Variants in MME observed in about 807,000 individuals in gnomAD.
MME encodes the protein membrane metalloendopeptidase, also known as neprilysin.
MME carries 98 observed loss-of-function variants against 113.2 expected under a neutral mutation model. That is an observed-to-expected ratio of 0.87 (90% confidence interval 0.74 to 1.02). MME has a LOEUF of 1.02. Among genes scored for constraint, MME ranks in the 50% least tolerant of loss-of-function variants. The pLI, the probability that MME is intolerant of heterozygous loss-of-function variation, is 0.00. For missense variants in MME, 836 were observed against 896.0 expected, an observed-to-expected ratio of 0.93 and a Z score of 0.86; for synonymous variants, 292 against 300.6, an observed-to-expected ratio of 0.97 and a Z score of 0.30.
At chr3:155,124,498 C>T (rs1425931686) in intron 8 of MME, among the ~76,000 whole-genome samples, 7 of 152,176 alleles carry the variant, frequency 4.6e-5, no homozygotes, top group South Asian at 2.1e-4. Flanking sequence ...AGACGCTCTG[C>T]GTTTTAGAGT....
intron 3 of MME, chr3:155,089,886 G>T (rs1251994089): frequency 2.2e-6 from 1 of 451,242 alleles, no homozygotes; most frequent in East Asian, 7.0e-5. Flanking sequence ...CTTGAACCCA[G>T]GAGGCAGAGG....
At chr3:155,032,847 A>G (rs963871691) in intron 1 of MME, among the ~76,000 whole-genome samples, 2 of 152,242 alleles carry the variant, frequency 1.3e-5, no homozygotes, top group African/African-American at 4.8e-5. Flanking sequence ...GTTTTGAAGC[A>G]CAGAAGTTTG....
intron 8 of MME, among the ~76,000 whole-genome samples, chr3:155,134,351 C>T (rs1005432430): frequency 4.6e-5 from 7 of 151,922 alleles, no homozygotes; most frequent in Non-Finnish European, 1.0e-4. Context: ...CCTTAAATGC[C>T]CAACATTTAG....
chr3:155,042,750 G>A (rs991467819), intron 1 of MME, among the ~76,000 whole-genome samples: 1 of 151,100 alleles, frequency 6.6e-6, no homozygotes, highest in Non-Finnish European at 1.5e-5. Context: ...ATTTAATTAT[G>A]AATGAAAGTA....
intron 16 of MME, among the ~76,000 whole-genome samples, chr3:155,152,723 G>A (rs2108334344): frequency 6.6e-6 from 1 of 152,018 alleles, no homozygotes; most frequent in Admixed American, 6.6e-5. Flanking sequence ...CAGCTGTAAT[G>A]CCAGCTACTC....
intron 3 of MME, among the ~76,000 whole-genome samples, chr3:155,095,339 A>G (rs150893131): frequency 3.4e-4 from 52 of 152,254 alleles, no homozygotes; most frequent in African/African-American, 1.2e-3. Context: ...GAAGACTTTA[A>G]GTTAGAGAGG....
intron 1 of MME, among the ~76,000 whole-genome samples, chr3:155,053,481 A>G (rs915811385): frequency 2.6e-5 from 4 of 152,174 alleles, no homozygotes; most frequent in Admixed American, 2.6e-4. Context: ...TAAAACCATC[A>G]GATCTCTTGA....
intron 14 of MME, 83 bp from the exon 15 acceptor site, chr3:155,147,061 C>A: frequency 1.2e-6 from 1 of 864,966 alleles, no homozygotes; most frequent in South Asian, 1.4e-5. Flanking sequence ...TCAAGTTATT[C>A]AATTGCTAGT....
At chr3:155,096,628 G>A (rs1716767429) in intron 3 of MME, among the ~76,000 whole-genome samples, 1 of 152,160 alleles carries the variant, frequency 6.6e-6, no homozygotes, top group South Asian at 2.1e-4. Flanking sequence ...ATGGCTGTGG[G>A]CAGGAAATTG....
chr3:155,128,779 A>G (rs1238421236), intron 8 of MME, among the ~76,000 whole-genome samples: 3 of 152,156 alleles, frequency 2.0e-5, no homozygotes, highest in African/African-American at 7.2e-5. Flanking sequence ...TGGCCCTTAA[A>G]TACTACAGAA....
At chr3:155,161,397 C>T (rs1722713522) in intron 17 of MME, among the ~76,000 whole-genome samples, 1 of 151,978 alleles carries the variant, frequency 6.6e-6, no homozygotes, top group Admixed American at 6.6e-5. Flanking sequence ...TATTCTAAAC[C>T]ATTCTTCTTA....
At chr3:155,151,669 T>C (rs1246747078) in intron 16 of MME, among the ~76,000 whole-genome samples, 1 of 152,180 alleles carries the variant, frequency 6.6e-6, no homozygotes, top group East Asian at 1.9e-4. Context: ...ATTTTACTGC[T>C]ACCAAGACAG....
intron 3 of MME, among the ~76,000 whole-genome samples, chr3:155,100,001 C>T (rs1717066785): frequency 6.6e-6 from 1 of 152,152 alleles, no homozygotes; most frequent in Non-Finnish European, 1.5e-5. Flanking sequence ...GCAAGGACTT[C>T]ATGTCTAAAA....
chr3:155,148,002 C>T (rs1034223523), intron 15 of MME, among the ~76,000 whole-genome samples: 7 of 152,126 alleles, frequency 4.6e-5, no homozygotes, highest in Non-Finnish European at 8.8e-5. Context: ...ATAGTGGCTA[C>T]GAACACAGAC....
chr3:155,173,036 TA>T (rs1712156925), intron 22 of MME, among the ~76,000 whole-genome samples: 1 of 152,102 alleles, frequency 6.6e-6, no homozygotes, highest in Non-Finnish European at 1.5e-5. Flanking sequence ...CAATATGGAA[TA>T]ACATTATTCC....
chr3:155,061,437 C>T (rs1431636012), intron 1 of MME, among the ~76,000 whole-genome samples: 32 of 126,950 alleles, frequency 2.5e-4, no homozygotes, highest in African/African-American at 9.5e-4. Flanking sequence ...GGCGACAGAG[C>T]GAGGCTCCAT....
At chr3:155,037,266 A>T (rs1415458273) in intron 1 of MME, among the ~76,000 whole-genome samples, 1 of 152,194 alleles carries the variant, frequency 6.6e-6, no homozygotes, top group African/African-American at 2.4e-5. Context: ...CTTTATTGTA[A>T]ATACTGGAAG....
chr3:155,176,802 AG>A (rs1712574256), intron 22 of MME, among the ~76,000 whole-genome samples: 1 of 152,154 alleles, frequency 6.6e-6, no homozygotes, highest in Admixed American at 6.6e-5. Context: ...CTCCAACCTG[AG>A]TGACAGAGCG....
In MME at chr3:155,084,224, G is replaced by C. The variant is rs866991983; in HGVS notation, c.57G>C (p.Lys19Asn). ...DITDINTPKPKKKQRWTPLEI... is the reference protein window; with the variant it reads ...DITDINTPKPNKKQRWTPLEI... ...CTGATATCAACACTCCAAAGCCAAA[G>C]AAGAAACAGCGATGGACTCCACTGG... The change falls in exon 2 of 23, where the codon AAG (lysine) becomes AAC (asparagine). Residue 19 changes from lysine to asparagine, a missense_variant. Transcript: ENST00000360490. 1.2e-6 allele frequency: 2 copies of C among 1,613,978 alleles called. No individual in the cohort carries two copies. Among genetic ancestry groups the C allele is most frequent in the Non-Finnish European group, 1.7e-6 (2 of 1,180,016 alleles).
Sources: allele counts gnomAD v4.1 joint callset (sites outside exome capture counted in the v4.1 genomes callset), GRCh38; gene constraint gnomAD v4.1.1; transcripts MANE v1.5; gene names NCBI Gene and HGNC (gene_info 2026-07-23, HGNC 2026-07-21).